Variants in MRPL43 observed in about 807,000 individuals in gnomAD.
MRPL43 encodes the protein large ribosomal subunit protein mL43.
In MRPL43, 9 loss-of-function variants were observed where a neutral mutation model predicts 12.7. The ratio of observed to expected loss-of-function variants is 0.71; its 90% CI spans 0.43 to 1.24. The LOEUF is 1.24. MRPL43 is among the 50% of genes most tolerant of loss of function. The pLI is 0.00. For synonymous variants in MRPL43, 116 were observed against 96.4 expected (o/e 1.20, Z -1.19); for missense variants, 211 against 229.2 (o/e 0.92, Z 0.51).
downstream of MRPL43, chr10:100,980,481 A>G (rs939979849): frequency 3.0e-6 from 4 of 1,344,644 alleles, no homozygotes; most frequent in Non-Finnish European, 4.3e-6. Flanking sequence ...CTTGTTCTGG[A>G]CCTCAGGACT....
At chr10:100,987,010 G>T in intron 2 of MRPL43, 35 bp from the exon 3 acceptor site, 1 of 1,605,324 alleles carries the variant, frequency 6.2e-7, no homozygotes, top group South Asian at 1.1e-5. Context: ...GTGGAAGCTG[G>T]CCGGTGCGAC....
chr10:100,978,437 GATCTC>G (rs1447521901), downstream of MRPL43: 2 of 1,600,608 alleles, frequency 1.2e-6, no homozygotes, highest in Admixed American at 1.7e-5. Flanking sequence ...TTAGGATGTG[GATCTC>G]ATCTCTAGGA....
downstream of MRPL43, chr10:100,980,607 C>A (rs781235374): frequency 6.2e-7 from 1 of 1,614,202 alleles, no homozygotes; most frequent in Non-Finnish European, 8.5e-7. Flanking sequence ...GGCCGTAGTC[C>A]TGGGCTCTGG....
chr10:100,979,812 T>A (rs1236954100), downstream of MRPL43: 1 of 1,609,098 alleles, frequency 6.2e-7, no homozygotes. Flanking sequence ...CTTGACTCCA[T>A]GTAACTCACC....
downstream of MRPL43, chr10:100,985,383 A>C (rs1590005102): frequency 6.5e-6 from 1 of 154,366 alleles, no homozygotes; most frequent in Non-Finnish European, 1.4e-5. Flanking sequence ...TCGGGTGAGG[A>C]TGACTGTTAT....
downstream of MRPL43, chr10:100,978,202 G>C (rs1053686170): frequency 2.9e-5 from 25 of 861,304 alleles, no homozygotes; most frequent in African/African-American, 4.2e-4. Flanking sequence ...CCCTATCCCT[G>C]ATCGCTGATC....
At chr10:100,983,396 G>A (rs1264768450), downstream of MRPL43, 1 of 1,611,934 alleles carries the variant, frequency 6.2e-7, no homozygotes, top group South Asian at 1.1e-5. Context: ...CCCGGGCCTT[G>A]TGGCTACTCA....
chr10:100,979,813 G>C, downstream of MRPL43: 1 of 1,609,362 alleles, frequency 6.2e-7, no homozygotes, highest in Non-Finnish European at 8.5e-7. Flanking sequence ...TTGACTCCAT[G>C]TAACTCACCC....
At chr10:100,978,129 A>G, downstream of MRPL43, 1 of 607,338 alleles carries the variant, frequency 1.6e-6, no homozygotes, top group South Asian at 2.0e-5. Flanking sequence ...TTTTGAGGCC[A>G]TAAGGTCATT....
At chr10:100,979,097 CCCAGGGAGA>C, downstream of MRPL43, 1 of 1,613,990 alleles carries the variant, frequency 6.2e-7, no homozygotes, top group African/African-American at 1.3e-5. Context: ...CCTCTACCTC[CCCAGGGAGA>C]CCTGGGAGGG....
At chr10:100,984,122 C>T, downstream of MRPL43, 1 of 1,608,916 alleles carries the variant, frequency 6.2e-7, no homozygotes, top group Non-Finnish European at 8.5e-7. Flanking sequence ...TAGATGAGAG[C>T]TCTGTCTGAG....
downstream of MRPL43, chr10:100,981,610 C>G: frequency 2.5e-6 from 4 of 1,575,796 alleles, no homozygotes; most frequent in Non-Finnish European, 3.5e-6. Flanking sequence ...GTGCCAGACA[C>G]TGATCTAAAT....
In MRPL43 at chr10:100,987,491, C is replaced by T. The variant is rs1264015484; in HGVS notation, c.-48G>A. ...AGCCTAAGCAGCGAGGAGAGGGGGG[C>T]GGGACTAAACCTCGAGGCTTCCGGT... On this transcript the variant is annotated 5_prime_UTR_variant, in exon 1 of 3. Coordinates refer to ENST00000318364, the MANE Select transcript of MRPL43 (RefSeq NM_032112.3). 1.9e-6 allele frequency: 3 copies of T among 1,595,386 alleles called. No individual in the cohort carries two copies. The highest frequency in any genetic ancestry group is 1.3e-5 in the African/African-American group (1 of 74,502).
chr10:100,984,159 C>A, downstream of MRPL43: 1 of 1,578,514 alleles, frequency 6.3e-7, no homozygotes, highest in South Asian at 1.2e-5. Context: ...AAATGCTCTT[C>A]CAAGCCAGCC....
downstream of MRPL43, chr10:100,984,342 T>C (rs1333845024): frequency 4.9e-6 from 7 of 1,441,180 alleles, no homozygotes; most frequent in Non-Finnish European, 6.3e-6. Flanking sequence ...CCCAGGCCCA[T>C]CGGTGCTCCT....
chr10:100,986,561 C>G lies in MRPL43; in HGVS notation c.*173G>C, dbSNP rs1173630934. 4 of 1,570,154 alleles carry G rather than the reference C, an allele frequency of 2.5e-6. No homozygotes were observed. The Admixed American group carries it at 7.6e-5, about 30-fold the overall frequency. On this transcript the variant is annotated 3_prime_UTR_variant, in exon 3 of 3. Transcript: ENST00000318364. ...GAGTGGTTCACAAGGTCACTGCCCC[C>G]AGAAGCAGGCACTGGAAAGAAACAG...
intron 2 of MRPL43, 49 bp downstream of exon 2, chr10:100,987,041 G>C (rs1040472865): frequency 8.7e-5 from 140 of 1,608,202 alleles, no homozygotes; most frequent in Non-Finnish European, 1.1e-4. Context: ...GGAGGATAGC[G>C]GGTCGAGCCC....
downstream of MRPL43, chr10:100,979,523 T>A: frequency 1.0e-6 from 1 of 990,602 alleles, no homozygotes; most frequent in Non-Finnish European, 1.4e-6. Context: ...GCTGGGACTA[T>A]AGGCGTGTGC....
downstream of MRPL43, chr10:100,979,369 C>T (rs1288866802): frequency 6.3e-7 from 1 of 1,593,860 alleles, no homozygotes; most frequent in Admixed American, 1.7e-5. Flanking sequence ...GTGGGGAGGT[C>T]TGGCTGCAAA....
Sources: allele counts gnomAD v4.1 joint callset, GRCh38; gene constraint gnomAD v4.1.1; transcripts MANE v1.5; gene names NCBI Gene and HGNC (gene_info 2026-07-23, HGNC 2026-07-21).